Variants in SLC25A42 observed in about 807,000 individuals in gnomAD.
The protein encoded by SLC25A42 is solute carrier family 25 member 42, also known as mitochondrial coenzyme A transporter SLC25A42.
Under a neutral mutation model 34.7 loss-of-function variants are expected in SLC25A42, and 19 were observed. The ratio of observed to expected loss-of-function variants is 0.55; its 90% CI spans 0.38 to 0.80. SLC25A42 has a LOEUF of 0.80. Ranked by LOEUF, SLC25A42 falls within the 30% of genes least tolerant of loss-of-function variation. The probability of loss-of-function intolerance (pLI) is 0.00; values close to 1 mark genes in which losing one functional copy is unlikely to be tolerated. For synonymous variants in SLC25A42, 205 were observed against 191.2 expected, an observed-to-expected ratio of 1.07 and a Z score of -0.59; for missense variants, 364 against 441.3, an observed-to-expected ratio of 0.82 and a Z score of 1.57.
At chr19:19,068,717 A>G (rs1446788716) in intron 1 of SLC25A42, among the ~76,000 whole-genome samples, 2 of 151,688 alleles carry the variant, frequency 1.3e-5, no homozygotes, top group Non-Finnish European at 2.9e-5. Flanking sequence ...GCATGCCCAT[A>G]GTCCCAGCTA....
intron 1 of SLC25A42, among the ~76,000 whole-genome samples, chr19:19,088,757 C>G (rs1330318895): frequency 6.6e-6 from 1 of 151,816 alleles, no homozygotes; most frequent in Admixed American, 6.6e-5. Flanking sequence ...TTTGGCCTCT[C>G]AAAGTGCTTG....
At chr19:19,105,069 C>G in intron 4 of SLC25A42, 131 bp downstream of exon 4, 1 of 1,124,340 alleles carries the variant, frequency 8.9e-7, no homozygotes, top group Non-Finnish European at 1.3e-6. Flanking sequence ...CCATTCCCAG[C>G]TCTGCCTGGA....
intron 1 of SLC25A42, among the ~76,000 whole-genome samples, chr19:19,094,672 T>G (rs148656358): frequency 4.1e-4 from 62 of 152,370 alleles, no homozygotes; most frequent in Middle Eastern, 3.4e-3. Flanking sequence ...TCACCGGCAC[T>G]GATGCCTGCT....
intron 3 of SLC25A42, 110 bp from the exon 4 acceptor site, chr19:19,104,803 T>TAG (rs56247515): frequency 5.2e-5 from 64 of 1,239,310 alleles, no homozygotes; most frequent in Non-Finnish European, 6.7e-5. Context: ...GGGACAAGAT[T>TAG]GGGGGGAAAA....
intron 3 of SLC25A42, among the ~76,000 whole-genome samples, chr19:19,102,573 G>C (rs531668535): frequency 6.6e-6 from 1 of 151,790 alleles, no homozygotes; most frequent in Non-Finnish European, 1.5e-5. Flanking sequence ...GTGAAACCCC[G>C]CCTCTACTAA....
At chr19:19,074,616 T>G (rs10413216) in intron 1 of SLC25A42, among the ~76,000 whole-genome samples, 3,582 of 152,180 alleles carry the variant, frequency 0.024, 136 homozygotes, top group African/African-American at 0.082. Flanking sequence ...CTGTCTTATG[T>G]CTGGTCGGGA....
intron 5 of SLC25A42, 77 bp from the exon 6 acceptor site, chr19:19,106,192 C>A: frequency 7.9e-7 from 1 of 1,258,492 alleles, no homozygotes; most frequent in Non-Finnish European, 1.1e-6. Context: ...CAGAGACGTG[C>A]GGGTGCTCCA....
At position 19,112,360 on chromosome 19, in the gene SLC25A42, A is replaced by G. The variant is rs1326240243; in HGVS notation, c.*1484A>G. 1 of 152,440 alleles carries G rather than the reference A, an allele frequency of 6.6e-6. No individual in the cohort carries two copies. The highest frequency in any genetic ancestry group is 1.5e-5 in the Non-Finnish European group (1 of 68,232). 9.4% of individuals were successfully genotyped at this position (152,440 alleles called of 1,614,324 possible). ...TCTGCCTTCCTTGCATGTGGCCACCAGCCATCCCTGATCTTGTCCCCAGAG... is the reference window on the plus strand; with the variant it reads ...TCTGCCTTCCTTGCATGTGGCCACCGGCCATCCCTGATCTTGTCCCCAGAG... On this transcript the variant is annotated 3_prime_UTR_variant, in exon 8 of 8. Coordinates refer to ENST00000318596, the MANE Select transcript of SLC25A42 (RefSeq NM_178526.5). This position sits in a 1 kb window ranked among gnomAD's most constrained non-coding sequence, Gnocchi z 4.3.
Position 19,105,560 on chromosome 19 carries a change from G to A in SLC25A42, c.214-1G>A, listed in dbSNP as rs752588368. ...ATGTTGACCTTCCCGCTTATCTCCAGGAGGCCTTCCGGGTCCTCTACTACA... is the reference window on the plus strand; with the variant it reads ...ATGTTGACCTTCCCGCTTATCTCCAAGAGGCCTTCCGGGTCCTCTACTACA... On this transcript the variant is annotated splice_acceptor_variant, in intron 4 of 7. Transcript: ENST00000318596. LOFTEE classifies it high-confidence loss of function. 1 of 1,610,530 alleles carries A rather than the reference G, an allele frequency of 6.2e-7. No homozygotes were observed. Among genetic ancestry groups the A allele is most frequent in the Non-Finnish European group, 8.5e-7 (1 of 1,177,348 alleles).
intron 6 of SLC25A42, among the ~76,000 whole-genome samples, chr19:19,107,222 G>T (rs2059835791): frequency 6.6e-6 from 1 of 151,356 alleles, no homozygotes; most frequent in South Asian, 2.1e-4. Context: ...GAAGCTGAGG[G>T]AGGAGGATTG....
intron 1 of SLC25A42, among the ~76,000 whole-genome samples, chr19:19,095,038 T>TA (rs1012261440): frequency 3.3e-5 from 5 of 151,158 alleles, no homozygotes; most frequent in Non-Finnish European, 5.9e-5. Context: ...CTACTAAAAA[T>TA]AAAAAAATAA....
At chr19:19,070,561 C>G (rs1005330119) in intron 1 of SLC25A42, among the ~76,000 whole-genome samples, 2 of 152,134 alleles carry the variant, frequency 1.3e-5, no homozygotes, top group African/African-American at 4.8e-5. Flanking sequence ...TCCCAAAGTG[C>G]TGGGATTACA....
At chr19:19,095,065 G>A (rs2059757123) in intron 1 of SLC25A42, among the ~76,000 whole-genome samples, 1 of 152,076 alleles carries the variant, frequency 6.6e-6, no homozygotes, top group Non-Finnish European at 1.5e-5. Flanking sequence ...GCTGGGTTTG[G>A]TAGTAAACGT....
chr19:19,090,200 A>C (rs2145911663), intron 1 of SLC25A42, among the ~76,000 whole-genome samples: 1 of 152,234 alleles, frequency 6.6e-6, no homozygotes, highest in East Asian at 1.9e-4. Context: ...AATGATGTCT[A>C]GGAGCTCCCG....
chr19:19,098,914 A>G (rs1425788094), intron 2 of SLC25A42, among the ~76,000 whole-genome samples: 2 of 152,202 alleles, frequency 1.3e-5, no homozygotes, highest in Non-Finnish European at 2.9e-5. Context: ...ACAGAGCAAG[A>G]CTGTCTCAAA....
chr19:19,104,110 A>G (rs553982179), intron 3 of SLC25A42, among the ~76,000 whole-genome samples: 1 of 151,766 alleles, frequency 6.6e-6, no homozygotes, highest in African/African-American at 2.4e-5. Flanking sequence ...TCAGCGTTTC[A>G]CCATGTTGGC....
At chr19:19,102,910 T>TG (rs1009961907) in intron 3 of SLC25A42, among the ~76,000 whole-genome samples, 1 of 152,058 alleles carries the variant, frequency 6.6e-6, no homozygotes, top group Admixed American at 6.6e-5. Context: ...AGTGAAGGTG[T>TG]GGGCAGGGCT....
At chr19:19,083,676 C>T (rs1235854925) in intron 1 of SLC25A42, among the ~76,000 whole-genome samples, 3 of 152,202 alleles carry the variant, frequency 2.0e-5, no homozygotes, top group Admixed American at 1.3e-4. Context: ...GAACGAGTGT[C>T]GTGGAGGGAA....
At chr19:19,104,070 C>A (rs1788390409) in intron 3 of SLC25A42, among the ~76,000 whole-genome samples, 1 of 152,068 alleles carries the variant, frequency 6.6e-6, no homozygotes, top group Non-Finnish European at 1.5e-5. Context: ...CCATGCCTGG[C>A]TAATTTTTTT....
Sources: gnomAD v4.1 joint callset for allele counts (sites outside exome capture counted in the v4.1 genomes callset) on GRCh38, gnomAD v4.1.1 for gene constraint, Gnocchi (gnomAD v3.1) non-coding constraint, MANE v1.5 for transcripts, NCBI Gene and HGNC (gene_info 2026-07-23, HGNC 2026-07-21) for gene names.